Variants in GSTCD observed in about 807,000 individuals in gnomAD.
GSTCD encodes the protein glutathione S-transferase C-terminal domain containing, also known as glutathione S-transferase C-terminal domain-containing protein.
GSTCD carries 44 observed loss-of-function variants against 68.3 expected under a neutral mutation model. The ratio of observed to expected loss-of-function variants is 0.64; its 90% CI spans 0.51 to 0.83. The LOEUF is 0.83. Ranked by LOEUF, GSTCD falls within the 40% of genes least tolerant of loss-of-function variation. The probability of loss-of-function intolerance (pLI) is 0.00; values close to 1 mark genes in which losing one functional copy is unlikely to be tolerated. For synonymous variants in GSTCD, 273 were observed against 255.2 expected (o/e 1.07, Z -0.67); for missense variants, 739 against 735.9 (o/e 1.00, Z -0.05).
At chr4:105,760,996 A>ATTTTTTTT (rs35581423) in intron 5 of GSTCD, 89 of 174,964 alleles carry the variant, frequency 5.1e-4, no homozygotes, top group African/African-American at 1.0e-3. Context: ...TCCTTTTTTA[A>ATTTTTTTT]TTTTTTTTTT....
rs1479278237 is a variant in GSTCD, at chr4:105,786,476, C to T, written c.1241-36478C>T. 2.7e-5 allele frequency among the ~76,000 whole-genome samples: 4 copies of T among 150,880 alleles called. 1 individual carries two copies. In the East Asian group the frequency reaches 7.8e-4, roughly 30 times the overall value. On this transcript the variant is annotated intron_variant, in intron 5 of 11. Transcript: ENST00000515279. Reference sequence around the variant, plus strand: ...GCAGTGAACCGCAGACTGCGCGCCACTGCACTCTGCCCTGGGCAACAGAGC... The same window carrying T: ...GCAGTGAACCGCAGACTGCGCGCCATTGCACTCTGCCCTGGGCAACAGAGC...
chr4:105,780,700 A>G (rs1013051863), intron 5 of GSTCD, among the ~76,000 whole-genome samples: 2 of 152,200 alleles, frequency 1.3e-5, no homozygotes, highest in African/African-American at 4.8e-5. Context: ...TGATTCTTTT[A>G]TAATAGAAGT....
At chr4:105,833,104 T>G (rs1412919619) in intron 8 of GSTCD, among the ~76,000 whole-genome samples, 1 of 152,224 alleles carries the variant, frequency 6.6e-6, no homozygotes, top group African/African-American at 2.4e-5. Flanking sequence ...CTTGCTTTCC[T>G]CTTCCTGATA....
intron 5 of GSTCD, among the ~76,000 whole-genome samples, chr4:105,743,230 A>C (rs112835002): frequency 2.6e-5 from 4 of 152,104 alleles, no homozygotes; most frequent in East Asian, 3.9e-4. Flanking sequence ...GATTACAGGC[A>C]TGACCCACCG....
chr4:105,790,450 G>A (rs905860878), intron 5 of GSTCD, among the ~76,000 whole-genome samples: 1 of 152,138 alleles, frequency 6.6e-6, no homozygotes, highest in Non-Finnish European at 1.5e-5. Context: ...ACCACCCTAG[G>A]CAACATAGTA....
chr4:105,770,984 A>G (rs185701176), intron 5 of GSTCD, among the ~76,000 whole-genome samples: 102 of 152,324 alleles, frequency 6.7e-4, no homozygotes, highest in South Asian at 1.9e-3. Flanking sequence ...TTATACTCCC[A>G]TCAATAGTGT....
At chr4:105,772,632 T>C (rs990615480) in intron 5 of GSTCD, among the ~76,000 whole-genome samples, 6 of 152,320 alleles carry the variant, frequency 3.9e-5, no homozygotes, top group Admixed American at 2.0e-4. Flanking sequence ...TTTTTGTCAT[T>C]GGTTCTGTTT....
chr4:105,731,686 C>T (rs1733245963), intron 5 of GSTCD, among the ~76,000 whole-genome samples: 1 of 150,186 alleles, frequency 6.7e-6, no homozygotes, highest in Non-Finnish European at 1.5e-5. Context: ...GGGACAATTT[C>T]TTTCTCCTGC....
intron 5 of GSTCD, 91 bp downstream of exon 5, chr4:105,729,590 A>G (rs1474420762): frequency 1.3e-6 from 1 of 771,896 alleles, no homozygotes; most frequent in Non-Finnish European, 2.1e-6. Flanking sequence ...CTTTGGCTTT[A>G]TCTAATATTC....
chr4:105,738,476 G>T (rs538322286), intron 5 of GSTCD, among the ~76,000 whole-genome samples: 10 of 151,966 alleles, frequency 6.6e-5, no homozygotes, highest in African/African-American at 2.4e-4. Flanking sequence ...ATCACTTTTG[G>T]TACTATGATT....
At chr4:105,806,000 T>G (rs1364536127) in intron 5 of GSTCD, among the ~76,000 whole-genome samples, 1 of 152,108 alleles carries the variant, frequency 6.6e-6, no homozygotes, top group Non-Finnish European at 1.5e-5. Flanking sequence ...TGCATTATAT[T>G]TACTACTTCA....
At chr4:105,821,088 T>C (rs1723263891) in intron 5 of GSTCD, 1 of 151,862 alleles carries the variant, frequency 6.6e-6, no homozygotes, top group African/African-American at 2.4e-5. Context: ...ATGGCAGTAT[T>C]TTTTACTCTA....
At chr4:105,823,145 GT>G (rs761384183) in intron 6 of GSTCD, 76 bp downstream of exon 6, 4 of 1,577,428 alleles carry the variant, frequency 2.5e-6, no homozygotes, top group Non-Finnish European at 3.5e-6. Context: ...TCAAGGTCAT[GT>G]TTTTATTTGG....
At chr4:105,808,820 G>T (rs371208042) in intron 5 of GSTCD, among the ~76,000 whole-genome samples, 8 of 152,210 alleles carry the variant, frequency 5.3e-5, no homozygotes, top group African/African-American at 1.9e-4. Context: ...ATCCCACTGC[G>T]TTCTGCCTGG....
intron 5 of GSTCD, among the ~76,000 whole-genome samples, chr4:105,818,130 G>GT (rs904832631): frequency 2.8e-4 from 43 of 151,716 alleles, no homozygotes; most frequent in African/African-American, 1.0e-3. Flanking sequence ...TCAGCTAACG[G>GT]TTTTTTGGGG....
At chr4:105,732,562 C>G (rs889556309) in intron 5 of GSTCD, among the ~76,000 whole-genome samples, 1 of 152,142 alleles carries the variant, frequency 6.6e-6, no homozygotes, top group Admixed American at 6.6e-5. Context: ...TTTATTGCAT[C>G]TAGTTGATTC....
At chr4:105,723,229 A>T (rs1220407550) in intron 3 of GSTCD, among the ~76,000 whole-genome samples, 24 of 152,008 alleles carry the variant, frequency 1.6e-4, no homozygotes, top group Admixed American at 1.5e-3. Context: ...CAAGCAATTC[A>T]CAATTCTTGA....
intron 5 of GSTCD, among the ~76,000 whole-genome samples, chr4:105,788,247 T>A (rs1430031036): frequency 6.6e-6 from 1 of 152,078 alleles, no homozygotes; most frequent in African/African-American, 2.4e-5. Context: ...AAGTTATATT[T>A]CCTACATTTT....
chr4:105,807,745 T>G (rs1235709957), intron 5 of GSTCD, among the ~76,000 whole-genome samples: 1 of 152,062 alleles, frequency 6.6e-6, no homozygotes, highest in East Asian at 1.9e-4. Flanking sequence ...ACATTGTTTG[T>G]GATATTAGGT....
Sources: allele counts gnomAD v4.1 joint callset (sites outside exome capture counted in the v4.1 genomes callset), GRCh38; gene constraint gnomAD v4.1.1; transcripts MANE v1.5; gene names NCBI Gene and HGNC (gene_info 2026-07-23, HGNC 2026-07-21).